Variants in COBL observed in about 807,000 individuals in gnomAD.
COBL encodes protein cordon-bleu.
COBL carries 51 observed loss-of-function variants against 98.8 expected under a neutral mutation model. The observed-to-expected ratio is 0.52, with a 90% CI of 0.41 to 0.65. COBL has a LOEUF of 0.65. Among genes scored for constraint, COBL ranks in the 30% least tolerant of loss-of-function variants. COBL has a pLI of 0.00. For missense variants in COBL, 1,617 were observed against 1,617.5 expected, an observed-to-expected ratio of 1.00 and a Z score of 0.01; for synonymous variants, 634 against 651.7, an observed-to-expected ratio of 0.97 and a Z score of 0.41.
intron 1 of COBL, among the ~76,000 whole-genome samples, chr7:51,265,225 T>C (rs1192855027): frequency 1.3e-5 from 2 of 152,120 alleles, no homozygotes; most frequent in Non-Finnish European, 2.9e-5. Flanking sequence ...TTTACAAGGG[T>C]AGTGCCACAT....
At chr7:51,173,512 C>A (rs1788079811) in intron 5 of COBL, among the ~76,000 whole-genome samples, 1 of 152,152 alleles carries the variant, frequency 6.6e-6, no homozygotes, top group African/African-American at 2.4e-5. Flanking sequence ...CACTGCCCAG[C>A]TAATTCATTG....
At position 51,312,446 on chromosome 7, in the gene COBL, A is replaced by C. The variant is rs148268348; in HGVS notation, c.41+4147T>G. 1.9e-3 allele frequency among the ~76,000 whole-genome samples: 297 copies of C among 152,346 alleles called. 2 individuals carry two copies. The highest frequency in any genetic ancestry group is 1.9e-3 in the Non-Finnish European group (129 of 68,038). ...TTGTATGTCCTTGATCTAAATATTA[A>C]TACTACTTTGGTATCAAATATTTAT... On this transcript the variant is annotated intron_variant, in intron 1 of 12. Transcript: ENST00000265136.
intron 1 of COBL, among the ~76,000 whole-genome samples, chr7:51,238,131 G>A (rs1166532710): frequency 6.6e-6 from 1 of 152,250 alleles, no homozygotes; most frequent in Non-Finnish European, 1.5e-5. Context: ...GGACCAAGCG[G>A]CTTTGGGGGT....
At chr7:51,018,891 C>CAA (rs11433270) in intron 12 of COBL, among the ~76,000 whole-genome samples, 129 of 6,786 alleles carry the variant, frequency 0.019, 20 homozygotes, top group East Asian at 0.039. Flanking sequence ...AACTCCATCT[C>CAA]AAAAAAAAAA....
intron 1 of COBL, among the ~76,000 whole-genome samples, chr7:51,289,356 T>C (rs1800680972): frequency 6.6e-6 from 1 of 152,208 alleles, no homozygotes; most frequent in African/African-American, 2.4e-5. Flanking sequence ...CTCACTGCCC[T>C]CCTGCTGACA....
At chr7:51,236,009 T>C (rs561188433) in intron 1 of COBL, among the ~76,000 whole-genome samples, 9 of 152,140 alleles carry the variant, frequency 5.9e-5, no homozygotes, top group African/African-American at 2.2e-4. Context: ...AAAAAAAACA[T>C]AATGTTTTCA....
chr7:51,219,067 T>C (rs565977582), intron 2 of COBL, among the ~76,000 whole-genome samples: 4 of 152,290 alleles, frequency 2.6e-5, no homozygotes, highest in African/African-American at 9.6e-5. Flanking sequence ...TGCAAATCTA[T>C]TGGTCACAAA....
At chr7:51,192,822 T>C (rs559066104) in intron 3 of COBL, among the ~76,000 whole-genome samples, 20 of 152,268 alleles carry the variant, frequency 1.3e-4, no homozygotes, top group African/African-American at 4.8e-4. Context: ...ACCAACTGCT[T>C]CCTGAGTCAG....
intron 1 of COBL, among the ~76,000 whole-genome samples, chr7:51,286,628 G>A (rs917962382): frequency 3.3e-5 from 5 of 152,200 alleles, no homozygotes; most frequent in Non-Finnish European, 7.3e-5. Context: ...TGGTGAGACT[G>A]TAGAGAAAGG....
At chr7:51,034,451 T>A (rs917295665) in intron 8 of COBL, 2 of 152,238 alleles carry the variant, frequency 1.3e-5, no homozygotes. Context: ...TCTGAGCATG[T>A]ATGAATGGAT....
intron 5 of COBL, among the ~76,000 whole-genome samples, chr7:51,167,449 C>G (rs1787429027): frequency 6.6e-6 from 1 of 151,416 alleles, no homozygotes; most frequent in African/African-American, 2.4e-5. Flanking sequence ...AAGAGGATAC[C>G]AAAAAATTGA....
chr7:51,168,172 G>A (rs1787507886), intron 5 of COBL, among the ~76,000 whole-genome samples: 1 of 152,056 alleles, frequency 6.6e-6, no homozygotes. Flanking sequence ...ATCTGACAAG[G>A]GATTAATAAC....
chr7:51,221,534 A>C (rs1018273551), intron 1 of COBL, among the ~76,000 whole-genome samples: 3 of 152,242 alleles, frequency 2.0e-5, no homozygotes, highest in Non-Finnish European at 4.4e-5. Flanking sequence ...ATATTGTTTT[A>C]TGTGCAAAAA....
chr7:51,117,755 T>C (rs10441471), intron 6 of COBL, among the ~76,000 whole-genome samples: 2,394 of 152,332 alleles, frequency 0.016, 61 homozygotes, highest in African/African-American at 0.055. Flanking sequence ...TGGTTCTTCA[T>C]ATGTTAAATA....
At position 51,219,913 on chromosome 7, in the gene COBL, G is replaced by A; in HGVS notation, c.73C>T (p.Pro25Ser). 2 of 1,611,588 alleles carry A rather than the reference G, an allele frequency of 1.2e-6. No individual in the cohort carries two copies. The highest frequency in any genetic ancestry group is 1.7e-6 in the Non-Finnish European group (2 of 1,179,864). ...RKMKARAPPP[P>S]GKAATLHVHS... is the part of the protein sequence containing the mutation. Reference sequence around the variant, plus strand: ...ACATGCAGAGTGGCAGCCTTTCCAGGAGGTGGGGGAGCACGAGCCTTCATC... The same window carrying A: ...ACATGCAGAGTGGCAGCCTTTCCAGAAGGTGGGGGAGCACGAGCCTTCATC... Residue 25 changes from proline (P) to serine (S), a missense_variant, in exon 2 of 13, where the codon CCT (proline) becomes TCT (serine). Coordinates refer to ENST00000265136, the MANE Select transcript of COBL (RefSeq NM_015198.5).
chr7:51,068,788 C>A (rs1028329088), intron 7 of COBL, among the ~76,000 whole-genome samples: 6 of 152,198 alleles, frequency 3.9e-5, no homozygotes, highest in Non-Finnish European at 8.8e-5. Flanking sequence ...AAATCCCCAT[C>A]AATGTTCTTC....
rs1488970565 is a variant in COBL, at chr7:51,251,251, C to T, written c.42-31307G>A. Among the ~76,000 whole-genome samples the T allele has an allele frequency of 2.6e-5, 4 of 152,236 alleles. No individual in the cohort carries two copies. In the East Asian group the frequency reaches 7.7e-4, roughly 29 times the overall value. On this transcript the variant is annotated intron_variant, in intron 1 of 12. Coordinates refer to ENST00000265136, the MANE Select transcript of COBL (RefSeq NM_015198.5). ...TATGACATGCCAGGTATTTTGCTTCCTGTAAACTACATAGCTATTAACTCT... is the reference window on the plus strand; with the variant it reads ...TATGACATGCCAGGTATTTTGCTTCTTGTAAACTACATAGCTATTAACTCT...
intron 5 of COBL, among the ~76,000 whole-genome samples, chr7:51,183,037 A>G (rs1045690830): frequency 6.6e-6 from 1 of 152,172 alleles, no homozygotes; most frequent in Non-Finnish European, 1.5e-5. Context: ...AGCCTGGGAC[A>G]CTAAGAAGGT....
intron 1 of COBL, among the ~76,000 whole-genome samples, chr7:51,288,629 C>T (rs1317632805): frequency 1.3e-5 from 2 of 151,826 alleles, no homozygotes; most frequent in Non-Finnish European, 2.9e-5. Flanking sequence ...TGGGGGGTGC[C>T]TGTAATCCCA....
Sources: gnomAD v4.1 joint callset for allele counts (sites outside exome capture counted in the v4.1 genomes callset) on GRCh38, gnomAD v4.1.1 for gene constraint, MANE v1.5 for transcripts, NCBI Gene and HGNC (gene_info 2026-07-23, HGNC 2026-07-21) for gene names.